Variants in TRA2B observed in about 807,000 individuals in gnomAD.
TRA2B encodes the protein transformer 2 beta homolog, also known as transformer-2 protein homolog beta.
A neutral mutation model predicts 41.7 loss-of-function variants in TRA2B; 14 were observed. The observed-to-expected ratio is 0.34, with a 90% CI of 0.22 to 0.53. The LOEUF (loss-of-function observed/expected upper bound fraction) is 0.53. Ranked by LOEUF, TRA2B falls within the 20% of genes least tolerant of loss-of-function variation. The pLI, the probability that TRA2B is intolerant of heterozygous loss-of-function variation, is 0.95. For missense variants in TRA2B, 167 were observed against 396.8 expected, an observed-to-expected ratio of 0.42 and a Z score of 4.92; for synonymous variants, 130 against 128.8, an observed-to-expected ratio of 1.01 and a Z score of -0.06.
chr3:185,921,733 C>G (rs1743744335), intron 5 of TRA2B, among the ~76,000 whole-genome samples: 1 of 152,168 alleles, frequency 6.6e-6, no homozygotes. Flanking sequence ...CATCGCACTC[C>G]AGCCTGGGCG....
intron 1 of TRA2B, chr3:185,927,013 G>T: frequency 2.8e-6 from 1 of 356,396 alleles, no homozygotes; most frequent in South Asian, 2.8e-5. Context: ...GCAGTTAAGG[G>T]AACTGTCCAA....
intron 4 of TRA2B, 127 bp from the exon 5 acceptor site, chr3:185,922,253 G>C: frequency 3.5e-6 from 2 of 566,530 alleles, no homozygotes; most frequent in Non-Finnish European, 3.1e-6. Context: ...TAGCCAGAAC[G>C]TAAGGTCTAC....
intron 1 of TRA2B, among the ~76,000 whole-genome samples, chr3:185,929,900 A>ATCCCCTTCCTTGTTTTGAC (rs1159830969): frequency 6.6e-6 from 1 of 152,122 alleles, no homozygotes; most frequent in African/African-American, 2.4e-5. Context: ...AAACACTGTC[A>ATCCCCTTCCTTGTTTTGAC]TCCCCTTCCT....
Position 185,930,740 on chromosome 3 carries a change from C to G in TRA2B, c.37-4006G>C, listed in dbSNP as rs73887708. 2.5e-3 allele frequency among the ~76,000 whole-genome samples: 376 copies of G among 152,264 alleles called. 1 individual carries two copies. The highest frequency in any genetic ancestry group is 8.8e-3 in the African/African-American group (365 of 41,542). The stretch of plus-strand genomic sequence containing the variant: ...TTTGGGTTGAATTTCTCAATAAGTG[C>G]AAGGGATACCAGGTAACCAGAATAA... On this transcript the variant is annotated intron_variant, in intron 1 of 8. Coordinates refer to ENST00000453386, the MANE Select transcript of TRA2B (RefSeq NM_004593.3).
intron 1 of TRA2B, among the ~76,000 whole-genome samples, chr3:185,932,833 C>T (rs1051683649): frequency 1.3e-5 from 2 of 152,036 alleles, no homozygotes; most frequent in Non-Finnish European, 2.9e-5. Flanking sequence ...TACTTCCTCT[C>T]CTGGTTTTTC....
chr3:185,918,545 G>T (rs1270217976), intron 7 of TRA2B, 107 bp from the exon 8 acceptor site: 7 of 644,270 alleles, frequency 1.1e-5, no homozygotes, highest in Non-Finnish European at 1.8e-5. Flanking sequence ...CCCAAAAAAG[G>T]AAAGCTGCAT....
At chr3:185,934,750 CAGA>C (rs1263393226) in intron 1 of TRA2B, 5 of 985,224 alleles carry the variant, frequency 5.1e-6, no homozygotes, top group African/African-American at 1.7e-5. Context: ...CAAGATTCAG[CAGA>C]AGATGAGAAA....
Position 185,937,814 on chromosome 3 carries a change from G to C in TRA2B, c.36+11C>G. 6.2e-7 allele frequency: 1 copy of C among 1,614,078 alleles called. No homozygotes were observed. The highest frequency in any genetic ancestry group is 8.5e-7 in the Non-Finnish European group (1 of 1,180,024). ...GACCACACAGCCACCCCCTACCGCAGCTCTACGTACCCGCTCGCCGTAGTT... is the reference window on the plus strand; with the variant it reads ...GACCACACAGCCACCCCCTACCGCACCTCTACGTACCCGCTCGCCGTAGTT... On this transcript the variant is annotated intron_variant, in intron 1 of 8. Transcript: ENST00000453386.
Position 185,923,808 on chromosome 3 carries a change from A to G in TRA2B, c.510T>C (p.Asp170=), listed in dbSNP as rs1195791607. The part of the protein sequence containing the change: ...GFAFVYFENV[D]DAKEAKERAN... Reference sequence around the variant, plus strand: ...GGCTTTTACTTACTTCCTTGGCATCATCTACATTTTCAAAATATACAAAGG... The same window carrying G: ...GGCTTTTACTTACTTCCTTGGCATCGTCTACATTTTCAAAATATACAAAGG... Residue 170 remains aspartate (D), a synonymous_variant, in exon 4 of 9, where the codon GAT becomes GAC. Coordinates refer to ENST00000453386, the MANE Select transcript of TRA2B (RefSeq NM_004593.3). 1 of 1,610,508 alleles carries G rather than the reference A, an allele frequency of 6.2e-7. No homozygotes were observed. Among genetic ancestry groups the G allele is most frequent in the Middle Eastern group, 1.7e-4 (1 of 6,032 alleles).
In TRA2B at chr3:185,923,582, T is replaced by C. The variant is rs937460102; in HGVS notation, c.522+214A>G. On this transcript the variant is annotated intron_variant, in intron 4 of 8. Coordinates refer to ENST00000453386, the MANE Select transcript of TRA2B (RefSeq NM_004593.3). ...GGAATTGGGGTATAGTTGACCCCAATAGGTGGCAACTAATAAAGCAGGTGG... is the reference window on the plus strand; with the variant it reads ...GGAATTGGGGTATAGTTGACCCCAACAGGTGGCAACTAATAAAGCAGGTGG... The C allele has an allele frequency of 2.2e-5, 9 of 403,636 alleles. 1 individual carries two copies. In the South Asian group the frequency reaches 4.7e-4, roughly 21 times the overall value. 25.0% of individuals were successfully genotyped at this position (403,636 alleles called of 1,614,324 possible).
intron 1 of TRA2B, chr3:185,928,455 G>A (rs1744033651): frequency 6.6e-6 from 1 of 152,132 alleles, no homozygotes; most frequent in Non-Finnish European, 1.5e-5. Flanking sequence ...ATCAAGAAAT[G>A]GTTAAAGGAT....
At chr3:185,918,328 C>CTG in intron 8 of TRA2B, 37 bp downstream of exon 8, 1 of 1,495,320 alleles carries the variant, frequency 6.7e-7, no homozygotes, top group Non-Finnish European at 9.3e-7. Flanking sequence ...GCAAGCCATA[C>CTG]TACAATATAA....
chr3:185,933,339 T>A (rs920838320), intron 1 of TRA2B, among the ~76,000 whole-genome samples: 1 of 152,178 alleles, frequency 6.6e-6, no homozygotes, highest in African/African-American at 2.4e-5. Flanking sequence ...TTATAAATAT[T>A]AGATTTAATT....
chr3:185,921,637 G>T (rs969829305), intron 5 of TRA2B, among the ~76,000 whole-genome samples: 19 of 152,060 alleles, frequency 1.2e-4, no homozygotes, highest in African/African-American at 4.3e-4. Context: ...TGCGACACGC[G>T]CCTGTAGTCC....
chr3:185,925,745 C>A, intron 2 of TRA2B, 119 bp from the exon 3 acceptor site: 2 of 1,017,132 alleles, frequency 2.0e-6, no homozygotes, highest in Non-Finnish European at 2.7e-6. Flanking sequence ...AACATGGTTA[C>A]CAATTTAGTA....
chr3:185,929,565 G>A (rs943174348), intron 1 of TRA2B, among the ~76,000 whole-genome samples: 1 of 152,082 alleles, frequency 6.6e-6, no homozygotes, highest in African/African-American at 2.4e-5. Flanking sequence ...CTGGATCTCA[G>A]CCACATCCTA....
chr3:185,935,212 T>A (rs916322491), intron 1 of TRA2B: 2 of 985,278 alleles, frequency 2.0e-6, no homozygotes, highest in African/African-American at 3.5e-5. Flanking sequence ...ATGCAAGCAA[T>A]TTTGGGGGAA....
At chr3:185,925,762 A>G (rs956512670) in intron 2 of TRA2B, 136 bp from the exon 3 acceptor site, 4 of 871,496 alleles carry the variant, frequency 4.6e-6, no homozygotes, top group Non-Finnish European at 1.6e-6. Context: ...AGTAGGATCA[A>G]TACTTTTCTT....
Position 185,918,354 on chromosome 3 carries a change from T to TA in TRA2B, c.856+10dup, listed in dbSNP as rs554800138. 1,081 of 1,603,246 alleles carry TA rather than the reference T, an allele frequency of 6.7e-4. 7 individuals are homozygous for TA. The African/African-American group carries it at 0.012, about 18-fold the overall frequency. On this transcript the variant is annotated intron_variant, in intron 8 of 8. Transcript: ENST00000453386. ...TACAATATAAACAATCATATTAAGA[T>TA]AAAAACTTACGAGGTGAGTATGATC...
Sources: gnomAD v4.1 joint callset for allele counts (sites outside exome capture counted in the v4.1 genomes callset) on GRCh38, gnomAD v4.1.1 for gene constraint, MANE v1.5 for transcripts, NCBI Gene and HGNC (gene_info 2026-07-23, HGNC 2026-07-21) for gene names.